The following NEK6 variants were observed in gnomAD, a reference collection of about 807,000 sequenced individuals.
NEK6 encodes the protein serine/threonine-protein kinase Nek6.
In NEK6, 27 loss-of-function variants were observed where a neutral mutation model predicts 43.5. That is an observed-to-expected ratio of 0.62 (90% CI 0.46 to 0.86). NEK6 has a LOEUF of 0.86. NEK6 is among the 40% of genes least tolerant of loss of function. The pLI, the probability that NEK6 is intolerant of heterozygous loss-of-function variation, is 0.00. For synonymous variants in NEK6, 167 were observed against 164.1 expected, an observed-to-expected ratio of 1.02 and a Z score of -0.14; for missense variants, 318 against 414.4, an observed-to-expected ratio of 0.77 and a Z score of 2.02.
rs565956990 is a variant in NEK6 at position 124,342,682 on chromosome 9, T to C, written c.717+3017T>C. ...GCCAAAGTGCAGCCCAGCCTCAGTC[T>C]CCGAGGAGGCTCCACTTTGTCCTCC... On this transcript the variant is annotated intron_variant, in intron 8 of 9. Transcript: ENST00000320246. Among the ~76,000 whole-genome samples, 44 of 152,350 alleles carry C rather than the reference T, an allele frequency of 2.9e-4. 4 individuals are homozygous for C. Among genetic ancestry groups the C allele is most frequent in the South Asian group, 2.7e-3 (13 of 4,832 alleles).
At chr9:124,294,491 C>CA (rs11315005) in intron 1 of NEK6, among the ~76,000 whole-genome samples, 369 of 132,946 alleles carry the variant, frequency 2.8e-3, no homozygotes, top group East Asian at 0.019. Context: ...GACTCCATCT[C>CA]AAAAAAAAAA....
chr9:124,310,878 G>A (rs532899537), intron 2 of NEK6, among the ~76,000 whole-genome samples: 11 of 152,340 alleles, frequency 7.2e-5, no homozygotes, highest in South Asian at 2.1e-4. Flanking sequence ...GAGCCACTGC[G>A]CCTGGCCTAG....
chr9:124,343,249 C>A lies in NEK6; in HGVS notation c.717+3584C>A, dbSNP rs773711240. 7.8e-6 allele frequency among the ~76,000 whole-genome samples: 1 copy of A among 127,852 alleles called. No homozygotes were observed. Among genetic ancestry groups the A allele is most frequent in the African/African-American group, 3.1e-5 (1 of 32,542 alleles). The allele number at this position is 127,852 out of a possible 152,430, so 83.9% of individuals were successfully genotyped here. On this transcript the variant is annotated intron_variant, in intron 8 of 9. Coordinates refer to ENST00000320246, the MANE Select transcript of NEK6 (RefSeq NM_014397.6). The surrounding 1 kb of genome is among the most constrained non-coding windows in gnomAD (Gnocchi z 5.1). ...GCCGGGGGGCGGTGAGGGGACGGATCGCAGCCGGGGGGTGGTACGGGGGAT... is the reference window on the plus strand; with the variant it reads ...GCCGGGGGGCGGTGAGGGGACGGATAGCAGCCGGGGGGTGGTACGGGGGAT...
At chr9:124,298,213 C>G (rs868566175) in intron 1 of NEK6, among the ~76,000 whole-genome samples, 1 of 152,030 alleles carries the variant, frequency 6.6e-6, no homozygotes, top group Non-Finnish European at 1.5e-5. Flanking sequence ...CTCCCTTCCT[C>G]CTTCCCCCTC....
chr9:124,310,843 C>T (rs1312965785), intron 2 of NEK6, among the ~76,000 whole-genome samples: 1 of 152,252 alleles, frequency 6.6e-6, no homozygotes, highest in South Asian at 2.1e-4. Context: ...GCCTCGGCCT[C>T]CCACAGTGCT....
chr9:124,306,825 A>G (rs1414744838), intron 2 of NEK6, among the ~76,000 whole-genome samples: 3 of 152,236 alleles, frequency 2.0e-5, no homozygotes, highest in East Asian at 1.9e-4. Flanking sequence ...ATATATCGCT[A>G]TATACACATC....
rs1409032100 is a variant in NEK6, at chr9:124,275,139, A to C, written c.-30+17054A>C. ...ACAGCACACAGTGGGAATTCCACAG[A>C]TAACAGAAGGAAGGATTGATGAAGG... On this transcript the variant is annotated intron_variant, in intron 1 of 9. Transcript: ENST00000320246. The surrounding 1 kb of genome is among the most constrained non-coding windows in gnomAD (Gnocchi z 4.4). 1.3e-5 allele frequency among the ~76,000 whole-genome samples: 2 copies of C among 152,220 alleles called. No homozygotes were observed. Among genetic ancestry groups the C allele is most frequent in the Non-Finnish European group, 2.9e-5 (2 of 68,024 alleles).
At chr9:124,327,790 C>T (rs1353377124) in intron 7 of NEK6, among the ~76,000 whole-genome samples, 1 of 152,138 alleles carries the variant, frequency 6.6e-6, no homozygotes, top group Non-Finnish European at 1.5e-5. Flanking sequence ...TGGTCCATCC[C>T]TCCTAGGGGG....
At chr9:124,302,112 C>G in intron 2 of NEK6, 58 bp downstream of exon 2, 1 of 1,295,904 alleles carries the variant, frequency 7.7e-7, no homozygotes, top group Non-Finnish European at 1.1e-6. Flanking sequence ...ATACGGATCC[C>G]TGAGCCTCCT....
intron 2 of NEK6, among the ~76,000 whole-genome samples, chr9:124,307,661 C>T (rs993869450): frequency 2.6e-5 from 4 of 152,192 alleles, no homozygotes; most frequent in Admixed American, 2.6e-4. Context: ...GCAGAGGAGC[C>T]TGAGGAGTCA....
At chr9:124,312,822 G>A (rs911036149) in intron 3 of NEK6, among the ~76,000 whole-genome samples, 173 bp downstream of exon 3, 1 of 152,216 alleles carries the variant, frequency 6.6e-6, no homozygotes, top group African/African-American at 2.4e-5. Context: ...AAAGTTCACT[G>A]TGAACTGCAA....
chr9:124,345,891 G>A (rs904843431), intron 8 of NEK6, among the ~76,000 whole-genome samples: 1 of 152,182 alleles, frequency 6.6e-6, no homozygotes, highest in East Asian at 1.9e-4. Flanking sequence ...CTGGACATGC[G>A]TCACCTGGGT....
intron 8 of NEK6, among the ~76,000 whole-genome samples, chr9:124,340,692 C>T (rs1262611337): frequency 6.6e-6 from 1 of 152,228 alleles, no homozygotes; most frequent in Non-Finnish European, 1.5e-5. Context: ...TTGGAGCTGA[C>T]ACACTGAAAG....
intron 1 of NEK6, among the ~76,000 whole-genome samples, chr9:124,262,657 G>C (rs1332485214): frequency 6.6e-6 from 1 of 152,232 alleles, no homozygotes; most frequent in African/African-American, 2.4e-5. Flanking sequence ...GCGAGTGGGG[G>C]GGCCATGGGA....
chr9:124,286,884 A>G (rs1235909791), intron 1 of NEK6, among the ~76,000 whole-genome samples: 1 of 152,180 alleles, frequency 6.6e-6, no homozygotes, highest in East Asian at 1.9e-4. Flanking sequence ...AAATGGGTGC[A>G]TGAGCCCTGC....
chr9:124,278,384 G>A (rs1644780648), intron 1 of NEK6, among the ~76,000 whole-genome samples: 1 of 150,080 alleles, frequency 6.7e-6, no homozygotes, highest in Admixed American at 6.7e-5. Flanking sequence ...GGGTTTGTAG[G>A]TTCCCCTAGG....
At chr9:124,263,897 C>T (rs778284570) in intron 1 of NEK6, among the ~76,000 whole-genome samples, 23 of 152,374 alleles carry the variant, frequency 1.5e-4, no homozygotes, top group Non-Finnish European at 2.5e-4. Flanking sequence ...CATAAGTCCT[C>T]GGCGTGGCAT....
chr9:124,304,065 C>T (rs896412500), intron 2 of NEK6, among the ~76,000 whole-genome samples: 2 of 152,254 alleles, frequency 1.3e-5, no homozygotes, highest in Non-Finnish European at 2.9e-5. Context: ...CTGGGCTGCT[C>T]TGGGCAGCGG....
chr9:124,260,644 G>A (rs918777315), intron 1 of NEK6, among the ~76,000 whole-genome samples: 7 of 152,108 alleles, frequency 4.6e-5, no homozygotes, highest in African/African-American at 9.7e-5. Context: ...CAGGTGATCC[G>A]CCCGCCTTGG....
Sources: gnomAD v4.1 joint callset for allele counts (sites outside exome capture counted in the v4.1 genomes callset) on GRCh38, gnomAD v4.1.1 for gene constraint, Gnocchi (gnomAD v3.1) non-coding constraint, MANE v1.5 for transcripts, NCBI Gene and HGNC (gene_info 2026-07-23, HGNC 2026-07-21) for gene names.